RBM33: variants seen among roughly 807,000 people sequenced by gnomAD.
RBM33 encodes the protein RNA binding motif protein 33, also known as RNA-binding protein 33.
RBM33 carries 28 observed loss-of-function variants against 132.6 expected under a neutral mutation model. That is an observed-to-expected ratio of 0.21 (90% CI 0.16 to 0.29). RBM33 has a LOEUF of 0.29. RBM33 is among the 10% of genes least tolerant of loss of function. The pLI, the probability that RBM33 is intolerant of heterozygous loss-of-function variation, is 1.00. For missense variants in RBM33, 1,291 were observed against 1,518.5 expected, an observed-to-expected ratio of 0.85 and a Z score of 2.49; for synonymous variants, 634 against 593.0, an observed-to-expected ratio of 1.07 and a Z score of -1.01.
chr7:155,717,679 T>C (rs1254374380), intron 8 of RBM33, among the ~76,000 whole-genome samples: 5 of 152,192 alleles, frequency 3.3e-5, no homozygotes, highest in African/African-American at 4.8e-5. Flanking sequence ...AAGATCAGTA[T>C]AGTGCATAAT....
At chr7:155,769,580 C>T (rs1433323763) in intron 16 of RBM33, among the ~76,000 whole-genome samples, 2 of 152,040 alleles carry the variant, frequency 1.3e-5, no homozygotes, top group African/African-American at 4.8e-5. Context: ...CTCAGCCCAC[C>T]ATGGAGGCCC....
At chr7:155,654,189 A>G (rs139787426) in intron 1 of RBM33, among the ~76,000 whole-genome samples, 1 of 152,266 alleles carries the variant, frequency 6.6e-6, no homozygotes, top group East Asian at 1.9e-4. Flanking sequence ...CAAAATACTG[A>G]TGTTTTCATT....
At position 155,779,765 on chromosome 7, in the gene RBM33, A is replaced by G. The variant is rs1585565312; in HGVS notation, c.*4724A>G. On this transcript the variant is annotated 3_prime_UTR_variant, in exon 18 of 18. Transcript: ENST00000401878. ...GCTAGAAAATGCTTTTAATGTCTCA[A>G]CTCTCTCTTTTCTGTGTCATGTTTT... The G allele has an allele frequency of 6.6e-6, 1 of 151,706 alleles. No individual in the cohort carries two copies. Among genetic ancestry groups the G allele is most frequent in the Admixed American group, 6.6e-5 (1 of 15,244 alleles). 9.4% of individuals were successfully genotyped at this position (151,706 alleles called of 1,614,324 possible). A position where few individuals can be genotyped will look rare whatever the true frequency, so the allele number is the denominator to read the frequency against.
At chr7:155,668,160 CTACA>C (rs1798850412) in intron 2 of RBM33, among the ~76,000 whole-genome samples, 1 of 152,058 alleles carries the variant, frequency 6.6e-6, no homozygotes, top group East Asian at 1.9e-4. Flanking sequence ...GCATATATAT[CTACA>C]TACATATGTA....
intron 1 of RBM33, among the ~76,000 whole-genome samples, chr7:155,657,979 C>G (rs1798537632): frequency 6.6e-6 from 1 of 152,066 alleles, no homozygotes; most frequent in South Asian, 2.1e-4. Flanking sequence ...GCTGTTAGGT[C>G]TAGTTGATTT....
At chr7:155,706,258 G>A (rs558194194) in intron 6 of RBM33, among the ~76,000 whole-genome samples, 3 of 152,332 alleles carry the variant, frequency 2.0e-5, no homozygotes, top group African/African-American at 7.2e-5. Flanking sequence ...TTGGGAGGCT[G>A]AGGCGGATGG....
rs566038588 is a variant in RBM33 at position 155,779,875 on chromosome 7, C to A, written c.*4834C>A. 5.3e-5 allele frequency: 8 copies of A among 152,150 alleles called. No homozygotes were observed. The highest frequency in any genetic ancestry group is 1.0e-4 in the Non-Finnish European group (7 of 68,044). 9.4% of individuals were successfully genotyped at this position (152,150 alleles called of 1,614,324 possible). On this transcript the variant is annotated 3_prime_UTR_variant, in exon 18 of 18. Transcript: ENST00000401878. ...ACTTGCTTTTTCCTTTGACTTCTAA[C>A]CAACTAAAAGAGAAGGAGGTCTTCA...
chr7:155,675,308 A>C (rs1799150359), intron 3 of RBM33, among the ~76,000 whole-genome samples: 1 of 99,948 alleles, frequency 1.0e-5, no homozygotes, highest in Admixed American at 9.6e-5. Flanking sequence ...AAAAAAAAAA[A>C]AAAAAAAGAA....
intron 1 of RBM33, among the ~76,000 whole-genome samples, chr7:155,650,665 G>A (rs1798328455): frequency 6.6e-6 from 1 of 152,108 alleles, no homozygotes; most frequent in African/African-American, 2.4e-5. Flanking sequence ...ATTGACTGTG[G>A]AAGAACTCTT....
chr7:155,672,773 G>A, intron 2 of RBM33, 94 bp from the exon 3 acceptor site: 1 of 665,194 alleles, frequency 1.5e-6, no homozygotes, highest in South Asian at 2.0e-5. Context: ...AAAGGTACCT[G>A]AGCTGTAGAG....
chr7:155,751,771 A>C (rs1364186400), intron 14 of RBM33, among the ~76,000 whole-genome samples: 2 of 147,940 alleles, frequency 1.4e-5, no homozygotes, highest in Non-Finnish European at 3.0e-5. Flanking sequence ...GTAATGTTAC[A>C]GTTTTACCCT....
Position 155,766,612 on chromosome 7 carries a change from A to G in RBM33, c.3332A>G (p.Asp1111Gly). 6.2e-7 allele frequency: 1 copy of G among 1,612,504 alleles called. No homozygotes were observed. Among genetic ancestry groups the G allele is most frequent in the African/African-American group, 1.3e-5 (1 of 75,020 alleles). ...GAGGGGCTGTCCTCGTCCACCACGG[A>G]TGCCCAGCTGAAGAGCCTGCTGATG... is the stretch of plus-strand genomic sequence containing the variant. ...SVEGLSSSTT[D>G]AQLKSLLMSV... Residue 1111 changes from aspartate to glycine, a missense_variant, in exon 16 of 18, where the codon GAT becomes GGT. Physicochemically the swap from Asp to Gly is moderately conservative, Grantham distance 94. Coordinates refer to ENST00000401878, the MANE Select transcript of RBM33 (RefSeq NM_053043.3).
intron 1 of RBM33, 69 bp from the exon 2 acceptor site, chr7:155,665,106 G>A: frequency 3.7e-6 from 5 of 1,341,178 alleles, no homozygotes; most frequent in Non-Finnish European, 5.3e-6. Flanking sequence ...AGTTGTTTTA[G>A]TGTTTGAATT....
chr7:155,710,063 C>A (rs1320415206), intron 7 of RBM33, among the ~76,000 whole-genome samples: 4 of 152,186 alleles, frequency 2.6e-5, no homozygotes, highest in Admixed American at 6.5e-5. Context: ...CATTTTCCTA[C>A]CAAAGAGATC....
chr7:155,701,727 G>C (rs1268464256), intron 6 of RBM33, among the ~76,000 whole-genome samples: 1 of 152,128 alleles, frequency 6.6e-6, no homozygotes, highest in African/African-American at 2.4e-5. Context: ...TCGCTTTGTT[G>C]CCTAAGCTGG....
At chr7:155,739,640 T>A (rs901029196) in intron 11 of RBM33, 75 bp from the exon 12 acceptor site, 4 of 1,436,698 alleles carry the variant, frequency 2.8e-6, no homozygotes, top group South Asian at 1.5e-5. Flanking sequence ...TGAGGTTTTT[T>A]AGGAAATGAT....
chr7:155,730,033 TG>T (rs1480045748), intron 9 of RBM33, among the ~76,000 whole-genome samples: 1 of 152,206 alleles, frequency 6.6e-6, no homozygotes, highest in African/African-American at 2.4e-5. Flanking sequence ...AGGTTGAGAA[TG>T]TGAGGCTCGG....
intron 2 of RBM33, among the ~76,000 whole-genome samples, chr7:155,670,345 C>T (rs1331464985): frequency 6.6e-6 from 1 of 152,172 alleles, no homozygotes; most frequent in African/African-American, 2.4e-5. Flanking sequence ...GACTGCTCAC[C>T]CCTTTGAAAC....
rs149793218 is a variant in RBM33 at position 155,763,167 on chromosome 7, C to T, written c.2980-645C>T. 5.0e-4 allele frequency among the ~76,000 whole-genome samples: 76 copies of T among 152,340 alleles called. No individual in the cohort carries two copies. The Middle Eastern group carries it at 0.014, about 27-fold the overall frequency. On this transcript the variant is annotated intron_variant, in intron 14 of 17. Transcript: ENST00000401878. Reference sequence around the variant, plus strand: ...AGTAAATGCGCTTCTTGGAAATCCACGTACTCTGTAGTTGCTAATGGCACT... The same window carrying T: ...AGTAAATGCGCTTCTTGGAAATCCATGTACTCTGTAGTTGCTAATGGCACT...
Sources: allele counts gnomAD v4.1 joint callset (sites outside exome capture counted in the v4.1 genomes callset), GRCh38; gene constraint gnomAD v4.1.1; transcripts MANE v1.5; gene names NCBI Gene and HGNC (gene_info 2026-07-23, HGNC 2026-07-21).